EPM2A: variants seen among roughly 807,000 people sequenced by gnomAD.
The protein encoded by EPM2A is laforin.
A neutral mutation model predicts 26.5 loss-of-function variants in EPM2A; 21 were observed. The ratio of observed to expected loss-of-function variants is 0.79; its 90% confidence interval spans 0.56 to 1.14. The LOEUF (loss-of-function observed/expected upper bound fraction) is 1.14. Ranked by LOEUF, EPM2A falls within the 50% of genes most tolerant of loss-of-function variation. The probability of loss-of-function intolerance (pLI) is 0.00; values close to 1 mark genes in which losing one functional copy is unlikely to be tolerated. For missense variants in EPM2A, 458 were observed against 440.8 expected, an observed-to-expected ratio of 1.04 and a Z score of -0.35; for synonymous variants, 217 against 177.6, an observed-to-expected ratio of 1.22 and a Z score of -1.76.
chr6:145,505,175 G>A (rs1252772926), intron 2 of EPM2A, among the ~76,000 whole-genome samples: 4 of 149,614 alleles, frequency 2.7e-5, no homozygotes, highest in African/African-American at 9.9e-5. Context: ...CAGTGCACCA[G>A]CATGGCACAT....
Position 145,680,408 on chromosome 6 carries a change from T to C in EPM2A, c.476+5714A>G, listed in dbSNP as rs557427861. Among the ~76,000 whole-genome samples the C allele has an allele frequency of 1.0e-3, 157 of 151,768 alleles. 1 individual carries two copies. Among genetic ancestry groups the C allele is most frequent in the Middle Eastern group, 0.01 (3 of 294 alleles). On this transcript the variant is annotated intron_variant, in intron 2 of 3. Coordinates refer to ENST00000367519, the MANE Select transcript of EPM2A (RefSeq NM_005670.4). ...ATTTTATTTTATTTTATTATCATTATACTTTAAGTTTTAGGGTACATGTGC... is the reference window on the plus strand; with the variant it reads ...ATTTTATTTTATTTTATTATCATTACACTTTAAGTTTTAGGGTACATGTGC...
intron 2 of EPM2A, chr6:145,641,433 G>C (rs1777079767): frequency 6.6e-6 from 1 of 152,202 alleles, no homozygotes; most frequent in African/African-American, 2.4e-5. Flanking sequence ...AGTCAACCCT[G>C]TGGACACCTT....
chr6:145,438,867 G>A (rs1017374387), intron 4 of EPM2A, among the ~76,000 whole-genome samples: 7 of 152,248 alleles, frequency 4.6e-5, no homozygotes, highest in African/African-American at 1.2e-4. Context: ...CTCAGGGATC[G>A]GGTGTACAGA....
At chr6:145,692,016 A>T (rs565182940) in intron 1 of EPM2A, among the ~76,000 whole-genome samples, 4 of 152,072 alleles carry the variant, frequency 2.6e-5, no homozygotes, top group Non-Finnish European at 5.9e-5. Context: ...ACAGGTGGGA[A>T]GTAAAAGCAT....
chr6:145,436,566 T>G (rs1433531051), intron 4 of EPM2A, among the ~76,000 whole-genome samples: 1 of 152,182 alleles, frequency 6.6e-6, no homozygotes, highest in Non-Finnish European at 1.5e-5. Flanking sequence ...CTCTTTGTAG[T>G]TTTTATTTGT....
intron 4 of EPM2A, among the ~76,000 whole-genome samples, chr6:145,433,219 G>A (rs1778944053): frequency 6.6e-6 from 1 of 152,024 alleles, no homozygotes; most frequent in Non-Finnish European, 1.5e-5. Flanking sequence ...ACATAACTTG[G>A]CTAACAGCTT....
chr6:145,487,085 C>T (rs561554230), intron 4 of EPM2A, among the ~76,000 whole-genome samples: 59 of 152,092 alleles, frequency 3.9e-4, no homozygotes, highest in African/African-American at 1.4e-3. Context: ...AAAGTGAGAA[C>T]GTTGTACTTG....
chr6:145,561,820 A>G (rs1273830736), intron 2 of EPM2A, among the ~76,000 whole-genome samples: 1 of 152,056 alleles, frequency 6.6e-6, no homozygotes. Flanking sequence ...CATGTTGCAA[A>G]TTCTAAGATC....
intron 2 of EPM2A, among the ~76,000 whole-genome samples, chr6:145,669,392 C>T (rs1244069220): frequency 1.3e-5 from 2 of 152,112 alleles, no homozygotes; most frequent in Admixed American, 6.5e-5. Context: ...CCATCTGTTC[C>T]ACAAAAGAGT....
Position 145,582,637 on chromosome 6 carries a change from G to T in EPM2A, c.340+52608C>A, listed in dbSNP as rs192630778. Among the ~76,000 whole-genome samples, 656 of 152,302 alleles carry T rather than the reference G, an allele frequency of 4.3e-3. 5 individuals carry two copies. Among genetic ancestry groups the T allele is most frequent in the African/African-American group, 0.014 (567 of 41,558 alleles). Reference sequence around the variant, plus strand: ...AATCTGAAGACTATGTCCCTTGAGGGTGATTGTCTTGTATAGTATCTCTCA... The same window carrying T: ...AATCTGAAGACTATGTCCCTTGAGGTTGATTGTCTTGTATAGTATCTCTCA... On this transcript the variant is annotated intron_variant, in intron 2 of 3. Transcript: ENST00000450221.
At chr6:145,421,608 A>T (rs1778784199) in intron 4 of EPM2A, among the ~76,000 whole-genome samples, 1 of 152,072 alleles carries the variant, frequency 6.6e-6, no homozygotes, top group Non-Finnish European at 1.5e-5. Context: ...AGGTTAAAAA[A>T]AAGCAGGAGA....
At chr6:145,460,668 G>A (rs1387172421) in intron 4 of EPM2A, among the ~76,000 whole-genome samples, 1 of 152,062 alleles carries the variant, frequency 6.6e-6, no homozygotes, top group Non-Finnish European at 1.5e-5. Flanking sequence ...GCCTGGGTGG[G>A]CAGGTGAGCA....
At chr6:145,675,311 T>A (rs1172068735) in intron 2 of EPM2A, among the ~76,000 whole-genome samples, 2 of 152,114 alleles carry the variant, frequency 1.3e-5, no homozygotes, top group African/African-American at 4.8e-5. Flanking sequence ...GGAACAACTG[T>A]TACCACCCAC....
chr6:145,615,404 C>G (rs939847425), intron 2 of EPM2A, among the ~76,000 whole-genome samples: 2 of 152,076 alleles, frequency 1.3e-5, no homozygotes, highest in African/African-American at 2.4e-5. Flanking sequence ...CCATTAAAAC[C>G]CTTTTTCCTG....
chr6:145,723,223 A>C (rs1397811845), intron 1 of EPM2A, among the ~76,000 whole-genome samples: 1 of 152,180 alleles, frequency 6.6e-6, no homozygotes, highest in African/African-American at 2.4e-5. Context: ...GGAGTAAAAA[A>C]ATAGTGATAA....
intron 1 of EPM2A, among the ~76,000 whole-genome samples, chr6:145,704,721 A>T (rs1782118990): frequency 6.6e-6 from 1 of 152,204 alleles, no homozygotes; most frequent in Non-Finnish European, 1.5e-5. Flanking sequence ...TTCATAGAGG[A>T]TAAAACTGAG....
At chr6:145,732,822 C>T (rs1776568114) in intron 1 of EPM2A, among the ~76,000 whole-genome samples, 1 of 152,094 alleles carries the variant, frequency 6.6e-6, no homozygotes, top group Non-Finnish European at 1.5e-5. Flanking sequence ...TAATAACTAG[C>T]CCTTATTTAA....
At chr6:145,412,668 G>C (rs1013314198) in intron 4 of EPM2A, among the ~76,000 whole-genome samples, 4 of 152,180 alleles carry the variant, frequency 2.6e-5, no homozygotes, top group African/African-American at 9.7e-5. Context: ...TATTTACTGA[G>C]GGATTGAACA....
intron 2 of EPM2A, among the ~76,000 whole-genome samples, chr6:145,538,355 A>G (rs556011904): frequency 6.6e-6 from 1 of 152,320 alleles, no homozygotes; most frequent in East Asian, 1.9e-4. Flanking sequence ...AATAAGAGCT[A>G]TGGAAATCAA....
Sources: gnomAD v4.1 joint callset for allele counts (sites outside exome capture counted in the v4.1 genomes callset) on GRCh38, gnomAD v4.1.1 for gene constraint, MANE v1.5 for transcripts, NCBI Gene and HGNC (gene_info 2026-07-23, HGNC 2026-07-21) for gene names.